The following AMBN variants were observed in gnomAD, a reference collection of about 807,000 sequenced individuals.
The protein encoded by AMBN is ameloblastin.
In AMBN, 54 loss-of-function variants were observed where a neutral mutation model predicts 48.0. The ratio of observed to expected loss-of-function variants is 1.12; its 90% CI spans 0.90 to 1.41. AMBN has a LOEUF of 1.41. AMBN is among the 40% of genes most tolerant of loss of function. AMBN has a pLI of 0.00. For synonymous variants in AMBN, 186 were observed against 190.0 expected (o/e 0.98, Z 0.17); for missense variants, 571 against 547.3 (o/e 1.04, Z -0.43).
At chr4:70,605,541 G>T (rs35454701) in intron 12 of AMBN, among the ~76,000 whole-genome samples, 44,694 of 151,970 alleles carry the variant, frequency 0.29, 7,304 homozygotes, top group Non-Finnish European at 0.37. Flanking sequence ...CATGGTCAGT[G>T]CTGGTATTCT....
chr4:70,593,663 G>T (rs994954363), intron 2 of AMBN, among the ~76,000 whole-genome samples: 1 of 152,128 alleles, frequency 6.6e-6, no homozygotes, highest in Non-Finnish European at 1.5e-5. Context: ...TGAGGAGCTT[G>T]AGACCAGCCT....
chr4:70,606,997 T>A lies in AMBN; in HGVS notation c.*267T>A. On this transcript the variant is annotated 3_prime_UTR_variant, in exon 13 of 13. Transcript: ENST00000322937. ...GCAAGGTTCTAAGGGTCTCAGCATT[T>A]GATCATCACTTTTTCTTAGCTGTCT... 2.6e-6 allele frequency: 1 copy of A among 382,636 alleles called. No individual in the cohort carries two copies. The highest frequency in any genetic ancestry group is 6.3e-5 in the South Asian group (1 of 15,896). 23.7% of individuals were successfully genotyped at this position (382,636 alleles called of 1,614,324 possible).
At position 70,598,844 on chromosome 4, in the gene AMBN, G is replaced by A. The variant is rs371173790; in HGVS notation, c.183+441G>A. Among the ~76,000 whole-genome samples the A allele has an allele frequency of 1.8e-4, 27 of 151,578 alleles. No homozygotes were observed. The South Asian group carries it at 4.6e-3, about 26-fold the overall frequency. On this transcript the variant is annotated intron_variant, in intron 4 of 12. Transcript: ENST00000322937. ...GGCTGAAGTGCAATGGCATGATCTCGGCTCACTGCAACCTCCATCTCCTGG... is the reference window on the plus strand; with the variant it reads ...GGCTGAAGTGCAATGGCATGATCTCAGCTCACTGCAACCTCCATCTCCTGG...
rs1359893612 is a variant in AMBN at position 70,596,909 on chromosome 4, C to T, written c.85-90C>T. On this transcript the variant is annotated intron_variant, in intron 2 of 12. Transcript: ENST00000322937. The stretch of plus-strand genomic sequence containing the variant: ...CAAAATGGTGGCCTCTCAGGTAGCC[C>T]GTATGTACTGGAGCAATATCCTACG... The T allele has an allele frequency of 9.0e-6, 10 of 1,106,452 alleles. No individual in the cohort carries two copies. The East Asian group carries it at 9.7e-5, about 11-fold the overall frequency. The allele number at this position is 1,106,452 out of a possible 1,614,324, so 68.5% of individuals were successfully genotyped here. A position where few individuals can be genotyped will look rare whatever the true frequency, so the allele number is the denominator to read the frequency against.
intron 5 of AMBN, 50 bp downstream of exon 5, chr4:70,599,696 T>G (rs756993915): frequency 7.3e-7 from 1 of 1,369,178 alleles, no homozygotes; most frequent in Admixed American, 2.0e-5. Context: ...TAAAACCTCT[T>G]CTTACTTGCC....
At chr4:70,593,155 C>T (rs1237229703) in intron 1 of AMBN, among the ~76,000 whole-genome samples, 172 bp from the exon 2 acceptor site, 1 of 152,120 alleles carries the variant, frequency 6.6e-6, no homozygotes, top group Non-Finnish European at 1.5e-5. Context: ...TCAGAAACTA[C>T]TACATACAAA....
intron 5 of AMBN, among the ~76,000 whole-genome samples, chr4:70,601,060 G>C (rs1351251246): frequency 6.6e-6 from 1 of 152,178 alleles, no homozygotes; most frequent in Non-Finnish European, 1.5e-5. Flanking sequence ...TTGACTGGGG[G>C]ACAAAGATTT....
chr4:70,593,250 C>G, intron 1 of AMBN, 77 bp from the exon 2 acceptor site: 3 of 1,225,008 alleles, frequency 2.4e-6, no homozygotes, highest in Middle Eastern at 2.0e-4. Flanking sequence ...GACTCAGGCT[C>G]ATTTTCAAAA....
rs1271291626 is a variant in AMBN, at chr4:70,593,392, G to T, written c.81G>T (p.Val27=). The T allele has an allele frequency of 6.2e-7, 1 of 1,610,988 alleles. No homozygotes were observed. Among genetic ancestry groups the T allele is most frequent in the Non-Finnish European group, 8.5e-7 (1 of 1,177,460 alleles). ...ILCLLEMSFA[V]PFFPQQSGTP... is the part of the protein sequence containing the mutation. Reference sequence around the variant, plus strand: ...GCCTCCTGGAAATGAGTTTTGCAGTGCCGGTAAGTCAGTCTTTAGAGTGTG... The same window carrying T: ...GCCTCCTGGAAATGAGTTTTGCAGTTCCGGTAAGTCAGTCTTTAGAGTGTG... The change falls in exon 2 of 13, where the codon GTG becomes GTT. Residue 27 remains valine, a synonymous_variant. Transcript: ENST00000322937.
At chr4:70,605,311 T>C (rs1737616875) in intron 12 of AMBN, among the ~76,000 whole-genome samples, 1 of 152,134 alleles carries the variant, frequency 6.6e-6, no homozygotes, top group Non-Finnish European at 1.5e-5. Flanking sequence ...CATCACATAG[T>C]ATTAATTATT....
intron 12 of AMBN, among the ~76,000 whole-genome samples, chr4:70,605,161 A>G (rs1271698291): frequency 6.6e-6 from 1 of 152,176 alleles, no homozygotes; most frequent in African/African-American, 2.4e-5. Flanking sequence ...CCAGGGATTC[A>G]CAGTATCATC....
Position 70,599,772 on chromosome 4 carries a change from C to G in AMBN, c.294+126C>G, listed in dbSNP as rs1737477929. On this transcript the variant is annotated intron_variant, in intron 5 of 12. Coordinates refer to ENST00000322937, the MANE Select transcript of AMBN (RefSeq NM_016519.6). ...CATTAACAAAAAATTATTCTCGTGC[C>G]AAATAAATCGAAGCCTATAACTGCT... The G allele has an allele frequency of 1.0e-5, 6 of 581,866 alleles. No homozygotes were observed. In the Admixed American group the frequency reaches 1.8e-4, roughly 17 times the overall value. 36.0% of individuals were successfully genotyped at this position (581,866 alleles called of 1,614,324 possible).
chr4:70,598,813 T>C (rs1737448464), intron 4 of AMBN, among the ~76,000 whole-genome samples: 1 of 151,868 alleles, frequency 6.6e-6, no homozygotes, highest in Non-Finnish European at 1.5e-5. Flanking sequence ...GTCGCTCTGT[T>C]GCCCAGGCTG....
chr4:70,601,811 G>T, intron 6 of AMBN, 157 bp downstream of exon 6: 1 of 768,316 alleles, frequency 1.3e-6, no homozygotes, highest in Non-Finnish European at 2.2e-6. Flanking sequence ...TTTATTTTTT[G>T]AGTAAAACGT....
intron 11 of AMBN, 55 bp from the exon 12 acceptor site, chr4:70,603,822 A>T: frequency 1.3e-6 from 2 of 1,584,138 alleles, no homozygotes. Flanking sequence ...CTTTGTCTTG[A>T]GTAGATAAGA....
intron 6 of AMBN, 53 bp downstream of exon 6, chr4:70,601,707 G>C: frequency 6.5e-7 from 1 of 1,543,932 alleles, no homozygotes; most frequent in Non-Finnish European, 8.9e-7. Flanking sequence ...CCTAATAGAA[G>C]AAAACGAATT....
At chr4:70,603,374 A>G (rs1369241398) in intron 10 of AMBN, 42 bp from the exon 11 acceptor site, 7 of 1,612,930 alleles carry the variant, frequency 4.3e-6, no homozygotes, top group Non-Finnish European at 5.9e-6. Flanking sequence ...AAGTTTTTCC[A>G]TTGGAAAATG....
chr4:70,597,426 A>G (rs1427917461), intron 3 of AMBN, among the ~76,000 whole-genome samples: 1 of 152,126 alleles, frequency 6.6e-6, no homozygotes, highest in Non-Finnish European at 1.5e-5. Context: ...CTCATGAAAA[A>G]TTTTGTACCT....
chr4:70,592,490 T>C, intron 1 of AMBN, 117 bp downstream of exon 1: 1 of 1,149,212 alleles, frequency 8.7e-7, no homozygotes. Flanking sequence ...GAATTATTGC[T>C]TGTTGTAATC....
Sources: allele counts gnomAD v4.1 joint callset (sites outside exome capture counted in the v4.1 genomes callset), GRCh38; gene constraint gnomAD v4.1.1; transcripts MANE v1.5; gene names NCBI Gene and HGNC (gene_info 2026-07-23, HGNC 2026-07-21).